The following NKAIN3 variants were observed in gnomAD, a reference collection of about 807,000 sequenced individuals.
The protein encoded by NKAIN3 is sodium/potassium-transporting ATPase subunit beta-1-interacting protein 3.
In NKAIN3, 25 loss-of-function variants were observed where a neutral mutation model predicts 30.2. The observed-to-expected ratio is 0.83, with a 90% CI of 0.60 to 1.16. The LOEUF (loss-of-function observed/expected upper bound fraction) is 1.16, where lower values mean the gene tolerates loss of function less well. Among genes scored for constraint, NKAIN3 ranks in the 50% most tolerant of loss-of-function variants. The pLI, the probability that NKAIN3 is intolerant of heterozygous loss-of-function variation, is 0.00. For synonymous variants in NKAIN3, 91 were observed against 89.6 expected (o/e 1.02, Z -0.09); for missense variants, 225 against 254.1 (o/e 0.89, Z 0.78).
intron 1 of NKAIN3, among the ~76,000 whole-genome samples, chr8:62,286,774 C>A (rs181113350): frequency 6.6e-6 from 1 of 152,056 alleles, no homozygotes; most frequent in East Asian, 1.9e-4. Context: ...TGGACAGAAG[C>A]CAGTTCATTT....
At chr8:62,393,524 A>G (rs1209229532) in intron 1 of NKAIN3, among the ~76,000 whole-genome samples, 1 of 151,886 alleles carries the variant, frequency 6.6e-6, no homozygotes, top group Non-Finnish European at 1.5e-5. Flanking sequence ...CTTAAATACC[A>G]GCTAATTTGA....
intron 1 of NKAIN3, among the ~76,000 whole-genome samples, chr8:62,459,305 T>C (rs1179534266): frequency 6.6e-6 from 1 of 152,130 alleles, no homozygotes; most frequent in Non-Finnish European, 1.5e-5. Flanking sequence ...GGAGTGTTCA[T>C]GATAATTAAA....
intron 1 of NKAIN3, among the ~76,000 whole-genome samples, chr8:62,449,756 C>T (rs17243191): frequency 0.26 from 39,340 of 151,920 alleles, 5,208 homozygotes; most frequent in Middle Eastern, 0.4. Context: ...GAGTTTTTGT[C>T]TCATTGAGTC....
chr8:62,355,255 G>A (rs1563362498), intron 1 of NKAIN3, among the ~76,000 whole-genome samples: 1 of 152,156 alleles, frequency 6.6e-6, no homozygotes. Flanking sequence ...TTCATGATGC[G>A]TAGATTCCTA....
At chr8:62,826,155 A>G (rs1819014581) in intron 4 of NKAIN3, among the ~76,000 whole-genome samples, 1 of 152,158 alleles carries the variant, frequency 6.6e-6, no homozygotes, top group Admixed American at 6.5e-5. Context: ...AACCTATGTT[A>G]TCTTAGCCTC....
intron 1 of NKAIN3, among the ~76,000 whole-genome samples, chr8:62,519,412 G>A (rs1272575752): frequency 1.3e-5 from 2 of 152,050 alleles, no homozygotes; most frequent in Non-Finnish European, 2.9e-5. Context: ...AAAACTTCTG[G>A]TTTAGTGCAT....
intron 1 of NKAIN3, among the ~76,000 whole-genome samples, chr8:62,260,545 C>T (rs895646784): frequency 6.6e-6 from 1 of 152,152 alleles, no homozygotes; most frequent in African/African-American, 2.4e-5. Flanking sequence ...TGCTTCAATA[C>T]TGAAGCCTCT....
chr8:62,498,518 G>A (rs1807313700), intron 1 of NKAIN3, among the ~76,000 whole-genome samples: 1 of 151,542 alleles, frequency 6.6e-6, no homozygotes, highest in Non-Finnish European at 1.5e-5. Flanking sequence ...GCATGTTTTC[G>A]GCCTCTGCTT....
intron 1 of NKAIN3, among the ~76,000 whole-genome samples, chr8:62,345,481 ATG>A (rs1815939418): frequency 1.9e-5 from 1 of 53,816 alleles, no homozygotes; most frequent in African/African-American, 6.8e-5. Flanking sequence ...ATACACATAT[ATG>A]TATATATACA....
chr8:62,428,103 T>C (rs1804871072), intron 1 of NKAIN3, among the ~76,000 whole-genome samples: 1 of 151,990 alleles, frequency 6.6e-6, no homozygotes, highest in Non-Finnish European at 1.5e-5. Flanking sequence ...TATTTGTCTT[T>C]CTGTGGCTGG....
chr8:62,271,598 CA>C (rs1812779630), intron 1 of NKAIN3, among the ~76,000 whole-genome samples: 1 of 152,012 alleles, frequency 6.6e-6, no homozygotes, highest in Non-Finnish European at 1.5e-5. Context: ...TAAAGAGTAC[CA>C]ACAATAAATA....
chr8:62,993,253 G>A (rs1804014721), intron 5 of NKAIN3, among the ~76,000 whole-genome samples: 1 of 152,090 alleles, frequency 6.6e-6, no homozygotes, highest in African/African-American at 2.4e-5. Flanking sequence ...AAAAGAAAAG[G>A]AAATAGAATA....
chr8:62,528,799 A>G (rs1171004145), intron 1 of NKAIN3, among the ~76,000 whole-genome samples: 1 of 152,152 alleles, frequency 6.6e-6, no homozygotes, highest in Non-Finnish European at 1.5e-5. Context: ...TGCAACCACA[A>G]GCTTGCTCCC....
At chr8:62,381,181 T>A (rs1817263816) in intron 1 of NKAIN3, among the ~76,000 whole-genome samples, 1 of 152,200 alleles carries the variant, frequency 6.6e-6, no homozygotes, top group Non-Finnish European at 1.5e-5. Context: ...ATATGTGGAT[T>A]ATTAATCAGT....
At chr8:62,390,736 A>T (rs1433066729) in intron 1 of NKAIN3, among the ~76,000 whole-genome samples, 2 of 152,198 alleles carry the variant, frequency 1.3e-5, no homozygotes, top group East Asian at 3.9e-4. Flanking sequence ...AGCTATTCTG[A>T]CTGGTGTGAG....
intron 1 of NKAIN3, among the ~76,000 whole-genome samples, chr8:62,386,127 A>C (rs1393972433): frequency 2.0e-5 from 3 of 152,128 alleles, no homozygotes; most frequent in Non-Finnish European, 4.4e-5. Context: ...ATTTGTTGCT[A>C]TATATGGGCC....
At chr8:62,408,771 AG>A (rs1336191119) in intron 1 of NKAIN3, among the ~76,000 whole-genome samples, 1 of 152,196 alleles carries the variant, frequency 6.6e-6, no homozygotes, top group Non-Finnish European at 1.5e-5. Flanking sequence ...GAAAAAGTGA[AG>A]GGAAGTAGAA....
chr8:62,331,147 C>A (rs1297350372), intron 1 of NKAIN3, among the ~76,000 whole-genome samples: 2 of 145,444 alleles, frequency 1.4e-5, no homozygotes, highest in African/African-American at 5.1e-5. Context: ...CCTCTTCCAC[C>A]CCCTCTTCCT....
intron 1 of NKAIN3, among the ~76,000 whole-genome samples, chr8:62,276,155 T>G (rs1250066254): frequency 6.6e-6 from 1 of 152,170 alleles, no homozygotes; most frequent in African/African-American, 2.4e-5. Context: ...AACCTCCGCC[T>G]CCTGGGCTCA....
Sources: gnomAD v4.1 joint callset for allele counts (sites outside exome capture counted in the v4.1 genomes callset) on GRCh38, gnomAD v4.1.1 for gene constraint, MANE v1.5 for transcripts, NCBI Gene and HGNC (gene_info 2026-07-23, HGNC 2026-07-21) for gene names.